Variants in OXTR observed in about 807,000 individuals in gnomAD.
The protein encoded by OXTR is oxytocin receptor.
Under a neutral mutation model 23.9 loss-of-function variants are expected in OXTR, and 19 were observed. That is an observed-to-expected ratio of 0.80 (90% CI 0.56 to 1.17). The LOEUF is 1.17. Ranked by LOEUF, OXTR falls within the 50% of genes most tolerant of loss-of-function variation. The probability of loss-of-function intolerance (pLI) is 0.00; values close to 1 mark genes in which losing one functional copy is unlikely to be tolerated. For missense variants in OXTR, 500 were observed against 550.7 expected (o/e 0.91, Z 0.92); for synonymous variants, 278 against 250.5 (o/e 1.11, Z -1.04).
downstream of OXTR, among the ~76,000 whole-genome samples, chr3:8,748,900 C>T (rs1212382582): frequency 4.6e-5 from 7 of 152,042 alleles, 1 homozygote; most frequent in Admixed American, 3.9e-4. Flanking sequence ...TTTTTTCCAG[C>T]GCTTAAAGAA....
intron 3 of OXTR, among the ~76,000 whole-genome samples, chr3:8,761,529 G>A (rs1335962927): frequency 6.6e-6 from 1 of 152,120 alleles, no homozygotes; most frequent in South Asian, 2.1e-4. Context: ...GTCATGCAGT[G>A]TGTCAGTCTC....
intron 3 of OXTR, among the ~76,000 whole-genome samples, chr3:8,762,273 A>C (rs528797577): frequency 1.3e-5 from 2 of 152,270 alleles, no homozygotes; most frequent in South Asian, 4.1e-4. Flanking sequence ...GCAGGGCCTC[A>C]CCCAAGAGGC....
chr3:8,762,570 C>A (rs1451559444), intron 3 of OXTR, among the ~76,000 whole-genome samples: 1 of 152,214 alleles, frequency 6.6e-6, no homozygotes, highest in African/African-American at 2.4e-5. Flanking sequence ...GCCGGCCCAC[C>A]ATGCTCTCCA....
chr3:8,745,520 C>A, downstream of OXTR: 1 of 1,612,546 alleles, frequency 6.2e-7, no homozygotes, highest in Non-Finnish European at 8.5e-7. The surrounding 1 kb of genome is among the most constrained non-coding windows in gnomAD (Gnocchi z 4.8). Flanking sequence ...CTTGCCACCC[C>A]TGCAGGTGGA....
rs201446460 is a variant in OXTR at position 8,753,044 on chromosome 3, G to T, written c.1103C>A (p.Ser368Ter). Residue 368 changes from serine to a stop codon, truncating the protein, a stop_gained, in exon 4 of 4, where the codon TCG becomes TAG. Transcript: ENST00000316793. LOFTEE classifies it high-confidence loss of function. ...GETSASKKSN[S>*]SSFVLSHRSS... ...GCGATGGCTCAGGACAAAGGAGGAC[G>T]AGTTGCTCTTTTTGCTGGCACTCGT... 2.0e-5 allele frequency: 32 copies of T among 1,614,146 alleles called. No individual in the cohort carries two copies. The highest frequency in any genetic ancestry group is 2.6e-5 in the Non-Finnish European group (31 of 1,180,012).
chr3:8,746,388 T>C (rs1230760881), downstream of OXTR: 1 of 154,442 alleles, frequency 6.5e-6, no homozygotes, highest in Admixed American at 6.4e-5. Context: ...GTTGGTTGTC[T>C]CTTCACTTGG....
chr3:8,762,357 G>T (rs1054576844), intron 3 of OXTR, among the ~76,000 whole-genome samples: 2 of 152,152 alleles, frequency 1.3e-5, no homozygotes, highest in Non-Finnish European at 2.9e-5. Flanking sequence ...CAAACCTTTG[G>T]GGGGAAAAGA....
chr3:8,764,139 G>C (rs952822172), intron 3 of OXTR, among the ~76,000 whole-genome samples: 1 of 151,886 alleles, frequency 6.6e-6, no homozygotes, highest in East Asian at 1.9e-4. Flanking sequence ...GAGGGACTTC[G>C]GGTCCCTGGG....
At chr3:8,759,846 T>G (rs1051111789) in intron 3 of OXTR, among the ~76,000 whole-genome samples, 1 of 151,972 alleles carries the variant, frequency 6.6e-6, no homozygotes, top group Non-Finnish European at 1.5e-5. Flanking sequence ...GAATCAGGAG[T>G]AAGGATTTGG....
rs201064672 is a variant in OXTR, at chr3:8,769,526, C to T, written c.-534G>A. On this transcript the variant is annotated 5_prime_UTR_variant, in exon 1 of 4. The change creates a new upstream start codon in the 5' untranslated region. Transcript: ENST00000316793. ...CTGGGGCTGAGGCTGCACTATCGCA[C>T]GGGTCCGCTAGGGGGCGGGCGAGGC... The T allele has an allele frequency of 2.6e-5, 4 of 152,298 alleles. No homozygotes were observed. The highest frequency in any genetic ancestry group is 7.2e-5 in the African/African-American group (3 of 41,474). The allele number at this position is 152,298 out of a possible 1,614,324, so 9.4% of individuals were successfully genotyped here. A position where few individuals can be genotyped will look rare whatever the true frequency, so the allele number is the denominator to read the frequency against.
chr3:8,757,620 G>T (rs896889744), intron 3 of OXTR, among the ~76,000 whole-genome samples: 2 of 152,166 alleles, frequency 1.3e-5, no homozygotes, highest in Non-Finnish European at 2.9e-5. Context: ...GGAAGAGCCA[G>T]TTCTAATCAT....
chr3:8,752,147 T>C lies in OXTR; in HGVS notation c.*830A>G, dbSNP rs1181727981. ...TTTAACTTCGTTTTCATATTGTTTGTTGCTAGTATAAAGAAATACAATTCA... is the reference window on the plus strand; with the variant it reads ...TTTAACTTCGTTTTCATATTGTTTGCTGCTAGTATAAAGAAATACAATTCA... On this transcript the variant is annotated 3_prime_UTR_variant, in exon 4 of 4. Transcript: ENST00000316793. 6.6e-6 allele frequency: 1 copy of C among 152,222 alleles called. No homozygotes were observed. The highest frequency in any genetic ancestry group is 2.4e-5 in the African/African-American group (1 of 41,462). The allele number at this position is 152,222 out of a possible 1,614,324, so 9.4% of individuals were successfully genotyped here. A position where few individuals can be genotyped will look rare whatever the true frequency, so the allele number is the denominator to read the frequency against.
downstream of OXTR, among the ~76,000 whole-genome samples, chr3:8,749,245 T>C (rs1363049267): frequency 1.3e-5 from 2 of 152,132 alleles, no homozygotes; most frequent in African/African-American, 2.4e-5. Flanking sequence ...ATGTCACTTA[T>C]TTGCCATAAA....
the OXTR span, among the ~76,000 whole-genome samples, chr3:8,742,880 TG>T: frequency 6.6e-6 from 1 of 152,180 alleles, no homozygotes; most frequent in South Asian, 2.1e-4. Context: ...TACCTGAGAC[TG>T]GGTAATTTAT....
downstream of OXTR, chr3:8,745,665 C>T (rs1553614440): frequency 6.2e-7 from 1 of 1,614,144 alleles, no homozygotes; most frequent in Non-Finnish European, 8.5e-7. This position sits in a 1 kb window ranked among gnomAD's most constrained non-coding sequence, Gnocchi z 4.8. Context: ...GTCCCACTGG[C>T]CCTGCTCTGG....
At chr3:8,756,396 C>T (rs991286634) in intron 3 of OXTR, among the ~76,000 whole-genome samples, 1 of 152,154 alleles carries the variant, frequency 6.6e-6, no homozygotes, top group Non-Finnish European at 1.5e-5. Context: ...CAGCAAGTCA[C>T]CCTGTGTTCA....
intron 3 of OXTR, among the ~76,000 whole-genome samples, chr3:8,755,018 A>G (rs187525300): frequency 6.6e-6 from 1 of 152,130 alleles, no homozygotes; most frequent in East Asian, 1.9e-4. Context: ...TGGTTTTAAC[A>G]AAAAATATTT....
Position 8,760,793 on chromosome 3 carries a change from G to A in OXTR, c.922+6473C>T, listed in dbSNP as rs57329700. On this transcript the variant is annotated intron_variant, in intron 3 of 3. Transcript: ENST00000316793. ...TTAGCAAAGGTGCAAAGACAGCAAG[G>A]CCATAGGAACTTGTGGAAAGCGGCA... 6.8e-3 allele frequency among the ~76,000 whole-genome samples: 1,036 copies of A among 152,274 alleles called. 20 individuals are homozygous for A. The highest frequency in any genetic ancestry group is 0.024 in the African/African-American group (988 of 41,532).
At chr3:8,765,510 T>C (rs1283538942) in intron 3 of OXTR, among the ~76,000 whole-genome samples, 2 of 152,218 alleles carry the variant, frequency 1.3e-5, no homozygotes, top group Non-Finnish European at 2.9e-5. Context: ...CCAAAGCTAG[T>C]AAGGGCTGGA....
Sources: allele counts gnomAD v4.1 joint callset (sites outside exome capture counted in the v4.1 genomes callset), GRCh38; gene constraint gnomAD v4.1.1; non-coding constraint Gnocchi (gnomAD v3.1); transcripts MANE v1.5; gene names NCBI Gene and HGNC (gene_info 2026-07-23, HGNC 2026-07-21).